PTPRD: variants seen among roughly 807,000 people sequenced by gnomAD.
PTPRD encodes protein tyrosine phosphatase receptor type D, also known as receptor-type tyrosine-protein phosphatase delta.
PTPRD carries 34 observed loss-of-function variants against 214.5 expected under a neutral mutation model. That is an observed-to-expected ratio of 0.16 (90% CI 0.12 to 0.21). The LOEUF is 0.21. Among genes scored for constraint, PTPRD ranks in the 10% least tolerant of loss-of-function variants. The pLI is 1.00. For missense variants in PTPRD, 2,545 were observed against 2,398.7 expected (o/e 1.06, Z -1.27); for synonymous variants, 1,128 against 845.7 (o/e 1.33, Z -5.79).
chr9:9,026,079 G>T (rs62531094), intron 10 of PTPRD, among the ~76,000 whole-genome samples: 1 of 151,714 alleles, frequency 6.6e-6, no homozygotes, highest in Non-Finnish European at 1.5e-5. Context: ...AGGGTATTGT[G>T]GTAGTGAATG....
intron 11 of PTPRD, among the ~76,000 whole-genome samples, chr9:8,996,663 C>A (rs1317483771): frequency 3.3e-5 from 5 of 152,072 alleles, no homozygotes; most frequent in African/African-American, 1.2e-4. Context: ...TCTCAGACAG[C>A]ACCTTCTGGC....
chr9:9,275,199 T>TATATATATATATATA (rs1491465404), intron 9 of PTPRD, among the ~76,000 whole-genome samples: 1 of 10,394 alleles, frequency 9.6e-5, no homozygotes, highest in African/African-American at 2.4e-4. Context: ...TATATATATA[T>TATATATATATATATA]TATATATATA....
At chr9:9,336,664 C>T (rs1035276729) in intron 9 of PTPRD, among the ~76,000 whole-genome samples, 3 of 152,028 alleles carry the variant, frequency 2.0e-5, no homozygotes, top group East Asian at 1.9e-4. Context: ...CAGAAATATG[C>T]TAATATTTTT....
At chr9:10,117,077 A>C (rs2098736178) in intron 3 of PTPRD, among the ~76,000 whole-genome samples, 1 of 152,126 alleles carries the variant, frequency 6.6e-6, no homozygotes, top group African/African-American at 2.4e-5. Context: ...GTAGAATATA[A>C]ATTCATCAGA....
chr9:8,812,543 C>A (rs560810133), intron 11 of PTPRD, among the ~76,000 whole-genome samples: 3 of 152,232 alleles, frequency 2.0e-5, no homozygotes, highest in African/African-American at 7.2e-5. Flanking sequence ...AGTACATGTG[C>A]AACGACTTAA....
At chr9:8,500,681 G>A in intron 24 of PTPRD, 73 bp downstream of exon 24, 8 of 1,387,374 alleles carry the variant, frequency 5.8e-6, no homozygotes, top group Non-Finnish European at 7.9e-6. Context: ...AAAGATTACT[G>A]TGAGCCTATT....
At chr9:10,034,257 G>T (rs1376058673) in intron 3 of PTPRD, among the ~76,000 whole-genome samples, 1 of 151,970 alleles carries the variant, frequency 6.6e-6, no homozygotes, top group Admixed American at 6.6e-5. Context: ...CACAAAGAAA[G>T]TTAAAACTAA....
intron 8 of PTPRD, among the ~76,000 whole-genome samples, chr9:9,426,593 C>T (rs574759530): frequency 8.8e-4 from 134 of 152,260 alleles, no homozygotes; most frequent in Non-Finnish European, 1.5e-3. Flanking sequence ...GATCTGAGAA[C>T]GGAGAGACTG....
At chr9:9,876,339 T>C (rs561629426) in intron 5 of PTPRD, among the ~76,000 whole-genome samples, 17 of 152,308 alleles carry the variant, frequency 1.1e-4, no homozygotes, top group Admixed American at 2.6e-4. Flanking sequence ...AAAAATACTT[T>C]GAAAGACTCT....
intron 2 of PTPRD, among the ~76,000 whole-genome samples, chr9:10,349,962 G>A (rs1462348653): frequency 2.6e-5 from 4 of 152,150 alleles, no homozygotes; most frequent in African/African-American, 7.2e-5. Context: ...TGCCCAGCCG[G>A]GATCCTTTTT....
intron 2 of PTPRD, among the ~76,000 whole-genome samples, chr9:10,546,010 A>AT (rs1241020797): frequency 2.6e-5 from 4 of 151,972 alleles, no homozygotes; most frequent in Admixed American, 1.3e-4. Context: ...ACAAAGTAAC[A>AT]TTTTTTTTAA....
At chr9:9,353,490 G>C (rs1363224236) in intron 9 of PTPRD, among the ~76,000 whole-genome samples, 1 of 151,764 alleles carries the variant, frequency 6.6e-6, no homozygotes, top group Non-Finnish European at 1.5e-5. Flanking sequence ...CTGGGGCTGG[G>C]AGTCCACTTC....
At chr9:9,492,528 T>C (rs1181255598) in intron 8 of PTPRD, among the ~76,000 whole-genome samples, 1 of 152,114 alleles carries the variant, frequency 6.6e-6, no homozygotes, top group African/African-American at 2.4e-5. Flanking sequence ...TAATGTAATA[T>C]ACCACCTTAA....
At chr9:9,430,104 G>A (rs1371798661) in intron 8 of PTPRD, among the ~76,000 whole-genome samples, 1 of 152,168 alleles carries the variant, frequency 6.6e-6, no homozygotes, top group East Asian at 1.9e-4. Flanking sequence ...AAAAGAGGAA[G>A]TCAAACTGTC....
chr9:8,944,302 A>G (rs2099051110), intron 11 of PTPRD, among the ~76,000 whole-genome samples: 1 of 152,078 alleles, frequency 6.6e-6, no homozygotes, highest in African/African-American at 2.4e-5. Context: ...CACTGCTGGT[A>G]TGATTGTAAA....
At position 8,321,487 on chromosome 9, in the gene PTPRD, G is replaced by GTATATATATATATATATA. The variant is rs750825729; in HGVS notation, c.5535-1539_5535-1522dup. Among the ~76,000 whole-genome samples, 66 of 44,508 alleles carry GTATATATATATATATATA rather than the reference G, an allele frequency of 1.5e-3. 1 individual carries two copies. Among genetic ancestry groups the GTATATATATATATATATA allele is most frequent in the Non-Finnish European group, 1.9e-3 (50 of 25,810 alleles). 29.2% of individuals were successfully genotyped at this position (44,508 alleles called of 152,430 possible). A position where few individuals can be genotyped will look rare whatever the true frequency, so the allele number is the denominator to read the frequency against. On this transcript the variant is annotated intron_variant, in intron 44 of 45. Transcript: ENST00000381196. ...TGTGTGTGTGTGTGTGTGTGTGTGT[G>GTATATATATATATATATA]TATATATATATATATATATATATAT... is the stretch of plus-strand genomic sequence containing the variant.
At chr9:9,912,760 T>C (rs978491411) in intron 5 of PTPRD, among the ~76,000 whole-genome samples, 4 of 152,220 alleles carry the variant, frequency 2.6e-5, no homozygotes, top group African/African-American at 7.2e-5. Context: ...TGATATTCCC[T>C]AGACTATCCA....
rs1424372065 is a variant in PTPRD, at chr9:8,955,574, C to T, written c.-104+63123G>A. On this transcript the variant is annotated intron_variant, in intron 11 of 45. Coordinates refer to ENST00000381196, the MANE Select transcript of PTPRD (RefSeq NM_002839.4). ...CGTTATAAGCTTCCCTTGAGCCTTT[C>T]ACAGAATGAGGCTTCCTCTGAGAGG... Among the ~76,000 whole-genome samples the T allele has an allele frequency of 2.0e-5, 3 of 151,846 alleles. No homozygotes were observed. In the East Asian group the frequency reaches 5.8e-4, roughly 29 times the overall value.
chr9:9,323,470 C>T (rs147217644), intron 9 of PTPRD, among the ~76,000 whole-genome samples: 66 of 152,192 alleles, frequency 4.3e-4, no homozygotes, highest in African/African-American at 1.5e-3. Context: ...AATCTGATGT[C>T]GACCAGGTCG....
Sources: gnomAD v4.1 joint callset for allele counts (sites outside exome capture counted in the v4.1 genomes callset) on GRCh38, gnomAD v4.1.1 for gene constraint, MANE v1.5 for transcripts, NCBI Gene and HGNC (gene_info 2026-07-23, HGNC 2026-07-21) for gene names.